The following BCAT1 variants were observed in gnomAD, a reference collection of about 807,000 sequenced individuals.
The protein encoded by BCAT1 is branched chain amino acid transaminase 1.
A neutral mutation model predicts 52.4 loss-of-function variants in BCAT1; 48 were observed. The ratio of observed to expected loss-of-function variants is 0.92; its 90% CI spans 0.73 to 1.16. The LOEUF is 1.16. BCAT1 is among the 50% of genes most tolerant of loss of function. The pLI, the probability that BCAT1 is intolerant of heterozygous loss-of-function variation, is 0.00. For missense variants in BCAT1, 451 were observed against 457.1 expected (o/e 0.99, Z 0.12); for synonymous variants, 167 against 161.3 (o/e 1.04, Z -0.27).
chr12:24,854,586 T>C (rs569776778), intron 5 of BCAT1, among the ~76,000 whole-genome samples: 2 of 152,178 alleles, frequency 1.3e-5, no homozygotes, highest in South Asian at 2.1e-4. Flanking sequence ...GAATTCATAC[T>C]GTGTTTATAT....
At chr12:24,892,900 C>A (rs1287430773) in intron 3 of BCAT1, among the ~76,000 whole-genome samples, 2 of 152,214 alleles carry the variant, frequency 1.3e-5, no homozygotes, top group Non-Finnish European at 2.9e-5. Flanking sequence ...CTTTATTATA[C>A]CTTATGACAT....
At chr12:24,856,245 T>TA (rs1176526496) in intron 5 of BCAT1, among the ~76,000 whole-genome samples, 1 of 152,088 alleles carries the variant, frequency 6.6e-6, no homozygotes, top group Non-Finnish European at 1.5e-5. Flanking sequence ...CTGGGTGAAA[T>TA]AGCCTTCACC....
At chr12:24,909,956 G>T (rs1943289783) in intron 1 of BCAT1, among the ~76,000 whole-genome samples, 1 of 152,128 alleles carries the variant, frequency 6.6e-6, no homozygotes, top group Non-Finnish European at 1.5e-5. Context: ...TAAACATCCA[G>T]CCCAGTCAAG....
intron 1 of BCAT1, among the ~76,000 whole-genome samples, chr12:24,935,315 T>A (rs1591889235): frequency 6.6e-6 from 1 of 152,102 alleles, no homozygotes; most frequent in Admixed American, 6.5e-5. Context: ...CTGGAGAGAG[T>A]CAGGGATATG....
At chr12:24,902,270 C>A in intron 1 of BCAT1, 30 of 1,333,378 alleles carry the variant, frequency 2.2e-5, no homozygotes, top group Non-Finnish European at 2.9e-5. Flanking sequence ...CTCCAGGGCG[C>A]GCTCAGCCTC....
intron 1 of BCAT1, among the ~76,000 whole-genome samples, chr12:24,938,947 T>C (rs932495228): frequency 5.3e-5 from 8 of 152,248 alleles, no homozygotes; most frequent in African/African-American, 1.9e-4. Context: ...CAATCTCAGC[T>C]CACTGTAGCC....
chr12:24,936,957 G>A (rs907516774), intron 1 of BCAT1, among the ~76,000 whole-genome samples: 6 of 152,044 alleles, frequency 3.9e-5, no homozygotes, highest in African/African-American at 1.4e-4. Flanking sequence ...ATGAGGCTAT[G>A]GGCATCCTTG....
chr12:24,921,251 G>T (rs1943497018), intron 1 of BCAT1, among the ~76,000 whole-genome samples: 1 of 152,152 alleles, frequency 6.6e-6, no homozygotes, highest in Non-Finnish European at 1.5e-5. Flanking sequence ...CAGCACTTTG[G>T]AGATTCCAAG....
At chr12:24,917,195 CTT>C (rs60491814) in intron 1 of BCAT1, among the ~76,000 whole-genome samples, 14 of 103,522 alleles carry the variant, frequency 1.4e-4, no homozygotes, top group African/African-American at 4.4e-4. Context: ...GAGCTTTGGA[CTT>C]TTTTTTTTTT....
At chr12:24,826,305 A>G (rs1218328196) in intron 10 of BCAT1, among the ~76,000 whole-genome samples, 1 of 152,126 alleles carries the variant, frequency 6.6e-6, no homozygotes, top group Non-Finnish European at 1.5e-5. Context: ...CTTTCATTTG[A>G]TTTCTGTGTA....
chr12:24,822,571 G>C (rs1940185910), intron 10 of BCAT1, among the ~76,000 whole-genome samples: 1 of 152,172 alleles, frequency 6.6e-6, no homozygotes, highest in African/African-American at 2.4e-5. Context: ...GACAATCTAG[G>C]AGCTTAGCTG....
At chr12:24,946,677 T>C (rs534361567) in intron 1 of BCAT1, among the ~76,000 whole-genome samples, 3 of 152,324 alleles carry the variant, frequency 2.0e-5, no homozygotes, top group Non-Finnish European at 2.9e-5. Flanking sequence ...CTGGGCCTGA[T>C]AAATTGTGTA....
At position 24,863,210 on chromosome 12, in the gene BCAT1, C is replaced by A. The variant is rs1307909053; in HGVS notation, c.511-13261G>T. 5.9e-5 allele frequency among the ~76,000 whole-genome samples: 9 copies of A among 152,206 alleles called. No individual in the cohort carries two copies. In the East Asian group the frequency reaches 1.7e-3, roughly 29 times the overall value. ...AAGAACACTTAACACTCTTCTCTAACTTCCTCCTGTGTAAAAGAAGTGATA... is the reference window on the plus strand; with the variant it reads ...AAGAACACTTAACACTCTTCTCTAAATTCCTCCTGTGTAAAAGAAGTGATA... On this transcript the variant is annotated intron_variant, in intron 5 of 10. Transcript: ENST00000261192.
chr12:24,911,023 G>A (rs1591868266), intron 1 of BCAT1, among the ~76,000 whole-genome samples: 1 of 151,800 alleles, frequency 6.6e-6, no homozygotes, highest in African/African-American at 2.4e-5. Flanking sequence ...AGAATTGTGT[G>A]AACCTGGGAG....
chr12:24,892,014 C>T (rs553190958), intron 3 of BCAT1, among the ~76,000 whole-genome samples: 3 of 152,064 alleles, frequency 2.0e-5, no homozygotes, highest in Admixed American at 6.5e-5. Context: ...GCCTTGGCCT[C>T]CCAAAGTGCT....
intron 5 of BCAT1, among the ~76,000 whole-genome samples, chr12:24,859,842 T>C (rs1030140742): frequency 3.3e-5 from 5 of 152,150 alleles, no homozygotes; most frequent in Non-Finnish European, 7.4e-5. Context: ...AAAAATGACA[T>C]ATTTGGCTTA....
chr12:24,846,497 T>A (rs533236435), intron 6 of BCAT1, among the ~76,000 whole-genome samples: 57 of 152,232 alleles, frequency 3.7e-4, no homozygotes, highest in African/African-American at 1.0e-3. Context: ...TTTAAATAGG[T>A]TATCTGGGAG....
intron 1 of BCAT1, among the ~76,000 whole-genome samples, chr12:24,910,456 G>T (rs561012929): frequency 1.3e-5 from 2 of 152,098 alleles, no homozygotes; most frequent in Admixed American, 1.3e-4. Flanking sequence ...AGTTTGGGGT[G>T]GTTGGTTATA....
At chr12:24,916,571 C>T (rs1943412525) in intron 1 of BCAT1, among the ~76,000 whole-genome samples, 1 of 152,192 alleles carries the variant, frequency 6.6e-6, no homozygotes, top group East Asian at 1.9e-4. Flanking sequence ...TAGAGTCTCG[C>T]TCTTGTCCCC....
Sources: gnomAD v4.1 joint callset for allele counts (sites outside exome capture counted in the v4.1 genomes callset) on GRCh38, gnomAD v4.1.1 for gene constraint, MANE v1.5 for transcripts, NCBI Gene and HGNC (gene_info 2026-07-23, HGNC 2026-07-21) for gene names.